Variants in DLG2 observed in about 807,000 individuals in gnomAD.
DLG2 encodes the protein disks large homolog 2.
DLG2 carries 45 observed loss-of-function variants against 132.5 expected under a neutral mutation model. The ratio of observed to expected loss-of-function variants is 0.34; its 90% CI spans 0.27 to 0.44. DLG2 has a LOEUF of 0.44. DLG2 is among the 20% of genes least tolerant of loss of function. The pLI is 1.00. For synonymous variants in DLG2, 424 were observed against 419.6 expected, an observed-to-expected ratio of 1.01 and a Z score of -0.13; for missense variants, 1,045 against 1,196.9, an observed-to-expected ratio of 0.87 and a Z score of 1.87.
chr11:83,860,085 T>C (rs1024963168), intron 16 of DLG2, among the ~76,000 whole-genome samples: 2 of 152,194 alleles, frequency 1.3e-5, no homozygotes, highest in Non-Finnish European at 2.9e-5. Context: ...AGGAGAAGTT[T>C]GCTGCAGGGG....
chr11:84,997,215 G>A (rs1004125056), intron 6 of DLG2: 1 of 152,996 alleles, frequency 6.5e-6, no homozygotes, highest in African/African-American at 2.4e-5. Context: ...GGCTCTGTTT[G>A]CAGTGAGGTT....
intron 11 of DLG2, among the ~76,000 whole-genome samples, chr11:84,044,948 G>C (rs1392732449): frequency 6.6e-6 from 1 of 151,684 alleles, no homozygotes; most frequent in Non-Finnish European, 1.5e-5. Flanking sequence ...AGGTTTTTAA[G>C]TGTATTGCAT....
intron 6 of DLG2, among the ~76,000 whole-genome samples, chr11:85,108,726 A>T (rs1450642904): frequency 6.6e-6 from 1 of 152,096 alleles, no homozygotes; most frequent in Non-Finnish European, 1.5e-5. Flanking sequence ...GCTCTAGGGG[A>T]GACTCAGTAA....
chr11:84,570,111 C>A (rs1273852449), intron 6 of DLG2, among the ~76,000 whole-genome samples: 3 of 152,132 alleles, frequency 2.0e-5, no homozygotes, highest in Non-Finnish European at 1.5e-5. Context: ...ATTTGTAGAA[C>A]AAAGATGGAT....
chr11:84,178,009 A>C (rs2096016260), intron 8 of DLG2, among the ~76,000 whole-genome samples: 2 of 152,098 alleles, frequency 1.3e-5, no homozygotes, highest in South Asian at 4.1e-4. Context: ...TTGATTAAAA[A>C]AAAAAACTGC....
chr11:83,786,551 T>C, intron 18 of DLG2, 139 bp downstream of exon 18: 2 of 696,474 alleles, frequency 2.9e-6, no homozygotes, highest in Admixed American at 2.5e-5. Context: ...TCTTTGGACA[T>C]GAACCATCAA....
intron 11 of DLG2, among the ~76,000 whole-genome samples, chr11:84,034,820 G>C (rs777406170): frequency 2.6e-5 from 4 of 152,196 alleles, no homozygotes; most frequent in Non-Finnish European, 5.9e-5. Context: ...CTGGAATTGA[G>C]TGTGGATGAA....
intron 8 of DLG2, among the ~76,000 whole-genome samples, chr11:84,169,636 G>A (rs868230971): frequency 6.6e-6 from 1 of 152,206 alleles, no homozygotes; most frequent in African/African-American, 2.4e-5. Flanking sequence ...ACTTTGGGAG[G>A]CTGAGGCAGG....
chr11:83,842,794 C>T (rs1407816824), intron 16 of DLG2, among the ~76,000 whole-genome samples: 16 of 135,682 alleles, frequency 1.2e-4, no homozygotes, highest in South Asian at 7.1e-4. Context: ...CCAGCCTGGG[C>T]GACAGAGCAA....
At chr11:84,758,335 T>C (rs770401971) in intron 6 of DLG2, among the ~76,000 whole-genome samples, 2 of 152,218 alleles carry the variant, frequency 1.3e-5, no homozygotes, top group African/African-American at 2.4e-5. Flanking sequence ...AGTTGAATTC[T>C]GGCTCTTAAC....
intron 10 of DLG2, among the ~76,000 whole-genome samples, chr11:84,065,563 A>G (rs1427650491): frequency 6.6e-6 from 1 of 152,226 alleles, no homozygotes; most frequent in Non-Finnish European, 1.5e-5. Context: ...AAGGCAAAAA[A>G]TAACAGATGC....
intron 21 of DLG2, among the ~76,000 whole-genome samples, chr11:83,503,369 T>TTATATATATA (rs34969401): frequency 2.2e-5 from 2 of 90,714 alleles, no homozygotes; most frequent in Non-Finnish European, 4.3e-5. Flanking sequence ...ACACACCCAT[T>TTATATATATA]TATATATATA....
chr11:84,744,026 A>T (rs781277337), intron 6 of DLG2, among the ~76,000 whole-genome samples: 14 of 152,252 alleles, frequency 9.2e-5, no homozygotes, highest in Non-Finnish European at 1.5e-4. Flanking sequence ...GCCCGGCCGG[A>T]AACAGAAGTT....
intron 21 of DLG2, among the ~76,000 whole-genome samples, chr11:83,528,572 T>C (rs1056476732): frequency 2.0e-5 from 3 of 152,198 alleles, no homozygotes; most frequent in South Asian, 4.1e-4. Context: ...CTCTTTTACC[T>C]AAGGCATATT....
At chr11:83,777,588 C>G (rs1461855869) in intron 18 of DLG2, among the ~76,000 whole-genome samples, 1 of 152,112 alleles carries the variant, frequency 6.6e-6, no homozygotes, top group Non-Finnish European at 1.5e-5. Context: ...CACAATGGTT[C>G]TATAAACAAA....
chr11:84,515,006 TA>T (rs2099268257), intron 7 of DLG2, among the ~76,000 whole-genome samples: 2 of 151,848 alleles, frequency 1.3e-5, no homozygotes, highest in Admixed American at 1.3e-4. Context: ...TGTAACATTT[TA>T]AAATAAGTCT....
In DLG2 at chr11:83,484,838, C is replaced by G. The variant is rs547191284; in HGVS notation, c.2194-610G>C. On this transcript the variant is annotated intron_variant, in intron 21 of 27. Coordinates refer to ENST00000376104, the MANE Select transcript of DLG2 (RefSeq NM_001142699.3). ...AGTATGTAGATTTATGGTATAATTA[C>G]AGACTGACACATGAATATATAATCA... 1.1e-4 allele frequency among the ~76,000 whole-genome samples: 17 copies of G among 152,228 alleles called. No homozygotes were observed. In the East Asian group the frequency reaches 3.3e-3, roughly 29 times the overall value.
chr11:84,739,425 T>A (rs936804254), intron 6 of DLG2, among the ~76,000 whole-genome samples: 4 of 152,160 alleles, frequency 2.6e-5, no homozygotes, highest in African/African-American at 9.7e-5. Context: ...GGGGCTCAGT[T>A]TTCTAGAACT....
intron 3 of DLG2, among the ~76,000 whole-genome samples, chr11:85,481,760 C>G (rs1455784061): frequency 6.6e-6 from 1 of 152,218 alleles, no homozygotes; most frequent in South Asian, 2.1e-4. Context: ...AGTACCAGGC[C>G]AAACCCACAT....
Sources: gnomAD v4.1 joint callset for allele counts (sites outside exome capture counted in the v4.1 genomes callset) on GRCh38, gnomAD v4.1.1 for gene constraint, MANE v1.5 for transcripts, NCBI Gene and HGNC (gene_info 2026-07-23, HGNC 2026-07-21) for gene names.